MGAT4C: variants seen among roughly 807,000 people sequenced by gnomAD.
The protein encoded by MGAT4C is MGAT4 family member C, also known as alpha-1,3-mannosyl-glycoprotein 4-beta-N-acetylglucosaminyltransferase C.
Under a neutral mutation model 40.1 loss-of-function variants are expected in MGAT4C, and 19 were observed. That is an observed-to-expected ratio of 0.47 (90% CI 0.33 to 0.70). The LOEUF is 0.70. MGAT4C is among the 30% of genes least tolerant of loss of function. The pLI is 0.02. For synonymous variants in MGAT4C, 181 were observed against 187.1 expected (o/e 0.97, Z 0.27); for missense variants, 491 against 563.2 (o/e 0.87, Z 1.30).
chr12:86,769,063 C>A (rs1427284209), intron 1 of MGAT4C, among the ~76,000 whole-genome samples: 3 of 152,106 alleles, frequency 2.0e-5, no homozygotes, highest in South Asian at 4.2e-4. Context: ...AAAGAAACTA[C>A]CATCAGAGTG....
chr12:86,378,037 A>T (rs1955863296), intron 3 of MGAT4C, among the ~76,000 whole-genome samples: 1 of 152,186 alleles, frequency 6.6e-6, no homozygotes, highest in Non-Finnish European at 1.5e-5. Flanking sequence ...ATGTGTCAGA[A>T]TTTCCTTCCT....
chr12:86,052,105 T>C (rs1892953195), intron 1 of MGAT4C, among the ~76,000 whole-genome samples: 1 of 151,758 alleles, frequency 6.6e-6, no homozygotes, highest in Non-Finnish European at 1.5e-5. Context: ...TATAATACAA[T>C]GAATCAGGTT....
chr12:86,272,630 T>C lies in MGAT4C; in HGVS notation c.-57+61435A>G, dbSNP rs12298422. 7.7e-3 allele frequency among the ~76,000 whole-genome samples: 1,171 copies of C among 152,166 alleles called. 21 individuals carry two copies. Among genetic ancestry groups the C allele is most frequent in the African/African-American group, 0.027 (1,122 of 41,514 alleles). Reference sequence around the variant, plus strand: ...CTTTGGGAGGCTGAGGTGGGCAGATTGCTTGAGCTCAGGAGTTGGAAACCA... The same window carrying C: ...CTTTGGGAGGCTGAGGTGGGCAGATCGCTTGAGCTCAGGAGTTGGAAACCA... On this transcript the variant is annotated intron_variant, in intron 4 of 7. Coordinates refer to the MGAT4C transcript ENST00000548651.
chr12:86,514,666 T>C (rs567439492), intron 2 of MGAT4C, among the ~76,000 whole-genome samples: 10 of 152,330 alleles, frequency 6.6e-5, no homozygotes, highest in Non-Finnish European at 1.2e-4. Context: ...TTGGACACAC[T>C]CTGATAATGC....
chr12:86,182,258 G>A lies in MGAT4C; in HGVS notation c.-57+73981C>T, dbSNP rs59045370. Among the ~76,000 whole-genome samples the A allele has an allele frequency of 3.2e-3, 478 of 151,282 alleles. 3 individuals are homozygous for A. The highest frequency in any genetic ancestry group is 0.011 in the African/African-American group (450 of 41,204). Reference sequence around the variant, plus strand: ...AATCATTCTCATTTTTTCTCTTCTCGCTTTTGACTCTCATCATCATAGTCT... The same window carrying A: ...AATCATTCTCATTTTTTCTCTTCTCACTTTTGACTCTCATCATCATAGTCT... On this transcript the variant is annotated intron_variant, in intron 1 of 4. Transcript: ENST00000611864.
chr12:86,259,286 G>A (rs1952606037), upstream of MGAT4C, among the ~76,000 whole-genome samples: 1 of 152,062 alleles, frequency 6.6e-6, no homozygotes, highest in Non-Finnish European at 1.5e-5. Context: ...AAAGTCTGAT[G>A]ATACTTGGAC....
intron 1 of MGAT4C, among the ~76,000 whole-genome samples, chr12:86,222,202 T>TA (rs1950908132): frequency 6.6e-6 from 1 of 152,140 alleles, no homozygotes; most frequent in African/African-American, 2.4e-5. Flanking sequence ...CAGCTCTAAA[T>TA]AAAGGAAAGC....
chr12:86,042,119 A>G (rs1891918038), intron 2 of MGAT4C, among the ~76,000 whole-genome samples: 1 of 152,178 alleles, frequency 6.6e-6, no homozygotes, highest in African/African-American at 2.4e-5. Flanking sequence ...TTTGTCTGGA[A>G]TTAAAATAGC....
At chr12:86,379,398 A>G (rs1955887541) in intron 3 of MGAT4C, among the ~76,000 whole-genome samples, 1 of 152,136 alleles carries the variant, frequency 6.6e-6, no homozygotes, top group Non-Finnish European at 1.5e-5. Flanking sequence ...GAGCCTATGA[A>G]TATTTATTCC....
intron 2 of MGAT4C, among the ~76,000 whole-genome samples, chr12:86,476,547 T>C (rs1957838050): frequency 6.6e-6 from 1 of 151,812 alleles, no homozygotes; most frequent in Admixed American, 6.6e-5. Context: ...AAAACAGAAC[T>C]ACCATTTCAC....
intron 2 of MGAT4C, among the ~76,000 whole-genome samples, chr12:86,607,849 A>G (rs11610118): frequency 0.12 from 17,947 of 151,976 alleles, 1,747 homozygotes; most frequent in African/African-American, 0.27. Context: ...GGCGGGGTGC[A>G]GGGTTGGGGG....
chr12:86,719,368 C>T (rs1427395653), intron 2 of MGAT4C, among the ~76,000 whole-genome samples: 1 of 152,170 alleles, frequency 6.6e-6, no homozygotes, highest in Non-Finnish European at 1.5e-5. Context: ...TTCTCTCAAC[C>T]TGTAGATCTA....
intron 1 of MGAT4C, among the ~76,000 whole-genome samples, chr12:86,239,524 A>G (rs1250296988): frequency 1.3e-5 from 2 of 152,072 alleles, no homozygotes; most frequent in East Asian, 1.9e-4. Context: ...ATATCCTTTC[A>G]GATATCTTTT....
intron 2 of MGAT4C, among the ~76,000 whole-genome samples, chr12:86,468,240 T>C (rs1957709307): frequency 6.6e-6 from 1 of 152,166 alleles, no homozygotes; most frequent in African/African-American, 2.4e-5. Context: ...TCCATCCTTC[T>C]AGTTTTTCTG....
chr12:86,167,810 T>C (rs1033390921), intron 1 of MGAT4C, among the ~76,000 whole-genome samples: 1 of 152,204 alleles, frequency 6.6e-6, no homozygotes, highest in Admixed American at 6.6e-5. Flanking sequence ...ACATGAACTT[T>C]GGAGGACCCA....
intron 1 of MGAT4C, among the ~76,000 whole-genome samples, chr12:86,837,567 A>T (rs1953061907): frequency 6.6e-6 from 1 of 152,074 alleles, no homozygotes; most frequent in Non-Finnish European, 1.5e-5. Context: ...ACCATGCTCC[A>T]GGTCAAATAT....
chr12:86,126,161 A>G (rs1314974050), intron 1 of MGAT4C, among the ~76,000 whole-genome samples: 8 of 151,996 alleles, frequency 5.3e-5, no homozygotes, highest in Non-Finnish European at 1.5e-5. Flanking sequence ...ATTAACTTCA[A>G]ACAAAGCCTA....
chr12:86,012,835 G>A (rs1888638670), intron 2 of MGAT4C, among the ~76,000 whole-genome samples: 2 of 144,124 alleles, frequency 1.4e-5, no homozygotes, highest in Non-Finnish European at 3.0e-5. Context: ...CCACCACCTG[G>A]GTGGTGGGCC....
At chr12:86,368,514 T>C (rs530212911) in intron 3 of MGAT4C, among the ~76,000 whole-genome samples, 1 of 152,198 alleles carries the variant, frequency 6.6e-6, no homozygotes, top group African/African-American at 2.4e-5. Flanking sequence ...CTTTTTTTAA[T>C]GTAGGTGATT....
Sources: allele counts gnomAD v4.1 joint callset (sites outside exome capture counted in the v4.1 genomes callset), GRCh38; gene constraint gnomAD v4.1.1; transcripts MANE v1.5; gene names NCBI Gene and HGNC (gene_info 2026-07-23, HGNC 2026-07-21).